The following AFF3 variants were observed in gnomAD, a reference collection of about 807,000 sequenced individuals.
The protein encoded by AFF3 is ALF transcription elongation factor 3, also known as AF4/FMR2 family member 3.
AFF3 carries 32 observed loss-of-function variants against 129.7 expected under a neutral mutation model. The observed-to-expected ratio is 0.25, with a 90% CI of 0.19 to 0.33. AFF3 has a LOEUF of 0.33. AFF3 is among the 10% of genes least tolerant of loss of function. AFF3 has a pLI of 1.00. For synonymous variants in AFF3, 644 were observed against 635.4 expected, an observed-to-expected ratio of 1.01 and a Z score of -0.20; for missense variants, 1,373 against 1,592.0, an observed-to-expected ratio of 0.86 and a Z score of 2.34.
intron 4 of AFF3, among the ~76,000 whole-genome samples, chr2:100,072,310 CTT>C (rs1443263524): frequency 2.0e-5 from 3 of 152,180 alleles, no homozygotes; most frequent in Non-Finnish European, 4.4e-5. Flanking sequence ...GTTGTGCTCT[CTT>C]TATGAAAATC....
intron 15 of AFF3, among the ~76,000 whole-genome samples, chr2:99,592,932 T>TC (rs1553394536): frequency 0.031 from 1,583 of 51,516 alleles, 40 homozygotes; most frequent in Non-Finnish European, 0.037. Flanking sequence ...TGAGACTCCC[T>TC]CCCCCCCCCC....
At chr2:99,692,703 C>A (rs111642676) in intron 11 of AFF3, among the ~76,000 whole-genome samples, 14 of 152,244 alleles carry the variant, frequency 9.2e-5, no homozygotes, top group Non-Finnish European at 1.9e-4. Context: ...CTTCTCTGAA[C>A]CCTATGGAGG....
intron 12 of AFF3, among the ~76,000 whole-genome samples, chr2:99,655,744 A>T (rs971036632): frequency 6.6e-6 from 1 of 151,960 alleles, no homozygotes; most frequent in African/African-American, 2.4e-5. Context: ...TTATATAATT[A>T]AAAAAAATAG....
chr2:99,847,374 C>T (rs551735692), intron 7 of AFF3, among the ~76,000 whole-genome samples: 3 of 151,784 alleles, frequency 2.0e-5, no homozygotes, highest in African/African-American at 4.8e-5. Context: ...CGGGGTTTCG[C>T]CATGTTGGCC....
Position 100,109,067 on chromosome 2 carries a change from G to A in AFF3, c.-144-3484C>T, listed in dbSNP as rs1691426170. Among the ~76,000 whole-genome samples, 5 of 150,896 alleles carry A rather than the reference G, an allele frequency of 3.3e-5. No individual in the cohort carries two copies. The South Asian group carries it at 6.3e-4, about 19-fold the overall frequency. ...GAAGTCTGTGGAAACAGCAGAGCTC[G>A]GCAGGGTCAGAGGGCAAGCAGGGCA... On this transcript the variant is annotated intron_variant, in intron 2 of 24. Transcript: ENST00000672756.
rs562643845 is a variant in AFF3, at chr2:99,679,697, G to C, written c.1092-7108C>G. ...GGGGTGGTGAAATAAATTTTGAAAT[G>C]GCAGCTTGGAGGCTAGCCAGCATTA... On this transcript the variant is annotated intron_variant, in intron 11 of 24. Transcript: ENST00000672756. Among the ~76,000 whole-genome samples the C allele has an allele frequency of 2.8e-4, 42 of 152,200 alleles. 1 individual carries two copies. Among genetic ancestry groups the C allele is most frequent in the Non-Finnish European group, 5.7e-4 (39 of 68,036 alleles).
chr2:99,567,506 T>C (rs978764613), intron 19 of AFF3, among the ~76,000 whole-genome samples: 6 of 151,720 alleles, frequency 4.0e-5, no homozygotes, highest in African/African-American at 9.7e-5. Context: ...CCAGTGCAAA[T>C]GAGATGGAGG....
intron 4 of AFF3, among the ~76,000 whole-genome samples, chr2:100,048,801 A>G (rs1237644757): frequency 6.6e-6 from 1 of 152,246 alleles, no homozygotes; most frequent in Admixed American, 6.5e-5. Flanking sequence ...TTAAAAATCT[A>G]TAACCAAAAT....
chr2:99,645,668 A>G (rs186205457), intron 13 of AFF3, among the ~76,000 whole-genome samples: 1 of 152,288 alleles, frequency 6.6e-6, no homozygotes, highest in Admixed American at 6.5e-5. Context: ...AATTAAGTCC[A>G]TTGGTCAGGC....
intron 7 of AFF3, among the ~76,000 whole-genome samples, chr2:100,001,539 CT>C (rs1298514051): frequency 1.3e-5 from 2 of 152,248 alleles, no homozygotes; most frequent in Non-Finnish European, 2.9e-5. Context: ...GGCAATTCTT[CT>C]GCCTCAGCCT....
chr2:100,045,074 T>C (rs368322457), intron 4 of AFF3, among the ~76,000 whole-genome samples: 4 of 151,654 alleles, frequency 2.6e-5, no homozygotes, highest in African/African-American at 9.7e-5. Context: ...CCAACCAGCC[T>C]CCCTGATGAA....
intron 2 of AFF3, among the ~76,000 whole-genome samples, chr2:100,123,114 T>C (rs1317147467): frequency 6.6e-6 from 1 of 152,138 alleles, no homozygotes; most frequent in African/African-American, 2.4e-5. Flanking sequence ...ACCTTAGAAG[T>C]AGGAGGAATA....
At chr2:99,581,472 C>T (rs951128768) in intron 17 of AFF3, among the ~76,000 whole-genome samples, 3 of 151,930 alleles carry the variant, frequency 2.0e-5, no homozygotes, top group African/African-American at 7.3e-5. Context: ...TAAAGTGTTA[C>T]ACACTGCTCC....
intron 12 of AFF3, among the ~76,000 whole-genome samples, chr2:99,652,611 T>C (rs1303602797): frequency 6.6e-6 from 1 of 152,082 alleles, no homozygotes; most frequent in African/African-American, 2.4e-5. Context: ...ATCTAGTGTG[T>C]TGAGCCGGGG....
chr2:100,036,630 C>A (rs948809650), intron 4 of AFF3, among the ~76,000 whole-genome samples: 2 of 151,166 alleles, frequency 1.3e-5, no homozygotes, highest in Non-Finnish European at 2.9e-5. Context: ...TACACATAAC[C>A]ACAAAGTTAC....
chr2:99,563,846 AAG>A (rs1023777048), intron 20 of AFF3, among the ~76,000 whole-genome samples: 10 of 151,212 alleles, frequency 6.6e-5, no homozygotes, highest in Admixed American at 1.3e-4. Context: ...AAGAAAGAAA[AAG>A]AGCCAAATTT....
At chr2:99,643,982 T>C (rs1684457830) in intron 13 of AFF3, among the ~76,000 whole-genome samples, 1 of 152,208 alleles carries the variant, frequency 6.6e-6, no homozygotes, top group Non-Finnish European at 1.5e-5. Context: ...AAGGCAACAC[T>C]CGTCTGGCTG....
In AFF3 at chr2:99,784,747, T is replaced by C. The variant is rs570869555; in HGVS notation, c.922-32446A>G. 5.3e-5 allele frequency among the ~76,000 whole-genome samples: 8 copies of C among 152,364 alleles called. No individual in the cohort carries two copies. The South Asian group carries it at 1.7e-3, about 32-fold the overall frequency. On this transcript the variant is annotated intron_variant, in intron 8 of 24. Transcript: ENST00000672756. ...ACTTTCTCTTAGCCACTTTTTATTT[T>C]AGGATATGAAGTATTAATAGGTATA...
At chr2:99,905,602 G>A (rs888970619) in intron 7 of AFF3, among the ~76,000 whole-genome samples, 36 of 152,104 alleles carry the variant, frequency 2.4e-4, no homozygotes, top group African/African-American at 6.5e-4. Flanking sequence ...GCATTTCTGC[G>A]TATTGGCACA....
Sources: gnomAD v4.1 joint callset for allele counts (sites outside exome capture counted in the v4.1 genomes callset) on GRCh38, gnomAD v4.1.1 for gene constraint, MANE v1.5 for transcripts, NCBI Gene and HGNC (gene_info 2026-07-23, HGNC 2026-07-21) for gene names.